Variants in TENM4 observed in about 807,000 individuals in gnomAD.
The protein encoded by TENM4 is teneurin-4.
Under a neutral mutation model 243.3 loss-of-function variants are expected in TENM4, and 82 were observed. The ratio of observed to expected loss-of-function variants is 0.34; its 90% CI spans 0.28 to 0.40. The LOEUF is 0.40. Among genes scored for constraint, TENM4 ranks in the 10% least tolerant of loss-of-function variants. The pLI, the probability that TENM4 is intolerant of heterozygous loss-of-function variation, is 1.00. For synonymous variants in TENM4, 1,412 were observed against 1,456.3 expected (o/e 0.97, Z 0.69); for missense variants, 3,138 against 3,673.3 (o/e 0.85, Z 3.77).
intron 4 of TENM4, among the ~76,000 whole-genome samples, chr11:79,122,724 G>T (rs1861768141): frequency 6.6e-6 from 1 of 152,106 alleles, no homozygotes; most frequent in Non-Finnish European, 1.5e-5. Flanking sequence ...GATCCAACTG[G>T]TACCCCTTGT....
chr11:78,844,672 A>C (rs913683456), intron 12 of TENM4, among the ~76,000 whole-genome samples: 1 of 151,644 alleles, frequency 6.6e-6, no homozygotes, highest in African/African-American at 2.4e-5. Context: ...GACACCAGAG[A>C]TCTCTTTCCC....
At chr11:79,326,460 C>A (rs759771662) in intron 1 of TENM4, among the ~76,000 whole-genome samples, 1 of 152,148 alleles carries the variant, frequency 6.6e-6, no homozygotes, top group Non-Finnish European at 1.5e-5. Flanking sequence ...GCATGGACTC[C>A]CCATTCCAAA....
chr11:78,914,968 TG>T (rs1317052884), intron 6 of TENM4, among the ~76,000 whole-genome samples: 5 of 152,144 alleles, frequency 3.3e-5, no homozygotes, highest in Non-Finnish European at 7.4e-5. Flanking sequence ...AAAAGGAAAC[TG>T]GGTTATGTTG....
chr11:79,131,603 A>G (rs751119563), intron 4 of TENM4, among the ~76,000 whole-genome samples: 20 of 152,356 alleles, frequency 1.3e-4, no homozygotes, highest in East Asian at 3.9e-4. Context: ...CACAGAACCT[A>G]TAAAACAAAA....
intron 6 of TENM4, among the ~76,000 whole-genome samples, chr11:79,049,993 T>C (rs1859756513): frequency 6.6e-6 from 1 of 152,194 alleles, no homozygotes; most frequent in African/African-American, 2.4e-5. Flanking sequence ...CCCCACTCCA[T>C]GTTGTGTCCT....
chr11:78,698,222 T>G (rs1225014084), intron 28 of TENM4, among the ~76,000 whole-genome samples: 2 of 152,044 alleles, frequency 1.3e-5, no homozygotes, highest in Non-Finnish European at 2.9e-5. Context: ...GCCAATATAG[T>G]GAAACCCCAT....
intron 6 of TENM4, among the ~76,000 whole-genome samples, chr11:79,029,112 C>G (rs1019037920): frequency 1.3e-5 from 2 of 152,170 alleles, no homozygotes; most frequent in Non-Finnish European, 2.9e-5. Flanking sequence ...TACAGGCCAT[C>G]GTTACCTCTC....
At chr11:79,439,103 T>A (rs369459913) in intron 1 of TENM4, 13 of 151,254 alleles carry the variant, frequency 8.6e-5, no homozygotes, top group East Asian at 3.9e-4. Context: ...GCCTCAGAGC[T>A]CAGTACATGG....
Position 78,889,873 on chromosome 11 carries a change from C to A in TENM4, c.996G>T (p.Lys332Asn). The change falls in exon 9 of 34, where the codon AAG becomes AAT. Residue 332 changes from lysine to asparagine, a missense_variant. Transcript: ENST00000278550. ...ACTTCCAGTTACAGTACTTGGAGGG[C>A]TTCTTGAGGTTAAAGGCCGGCCGGG... ...TFARPAFNLKKPSKYCNWKCA... is the reference protein window; with the variant it reads ...TFARPAFNLKNPSKYCNWKCA... 1.3e-6 allele frequency: 2 copies of A among 1,551,790 alleles called. No homozygotes were observed. Among genetic ancestry groups the A allele is most frequent in the Non-Finnish European group, 1.7e-6 (2 of 1,147,014 alleles).
chr11:79,431,179 C>T (rs982294476), intron 1 of TENM4, among the ~76,000 whole-genome samples: 13 of 152,186 alleles, frequency 8.5e-5, no homozygotes, highest in African/African-American at 2.9e-4. Flanking sequence ...TCTAGTCCTG[C>T]TTCAACAAAT....
chr11:78,836,915 C>T (rs540683631), intron 12 of TENM4, among the ~76,000 whole-genome samples: 1 of 152,200 alleles, frequency 6.6e-6, no homozygotes, highest in Non-Finnish European at 1.5e-5. Flanking sequence ...AAAACATACA[C>T]GTGCCCATGT....
At chr11:79,317,713 T>C (rs1160167936) in intron 1 of TENM4, among the ~76,000 whole-genome samples, 3 of 152,206 alleles carry the variant, frequency 2.0e-5, no homozygotes, top group Non-Finnish European at 4.4e-5. Flanking sequence ...CCAACCAAGT[T>C]GACCAAGAGT....
intron 12 of TENM4, among the ~76,000 whole-genome samples, chr11:78,828,325 T>C (rs1857903276): frequency 6.6e-6 from 1 of 152,210 alleles, no homozygotes; most frequent in African/African-American, 2.4e-5. Flanking sequence ...GCACTAACCA[T>C]GTATTTGGGG....
chr11:79,179,800 T>C lies in TENM4; in HGVS notation c.-162-30994A>G, dbSNP rs1390471203. ...TAGTTTAGAATAACATTAGTTAACATTTACTGAATATCTAGCCTGTTTTAA... is the reference window on the plus strand; with the variant it reads ...TAGTTTAGAATAACATTAGTTAACACTTACTGAATATCTAGCCTGTTTTAA... On this transcript the variant is annotated intron_variant, in intron 3 of 33. Coordinates refer to ENST00000278550, the MANE Select transcript of TENM4 (RefSeq NM_001098816.3). Among the ~76,000 whole-genome samples, 3 of 151,822 alleles carry C rather than the reference T, an allele frequency of 2.0e-5. No homozygotes were observed. In the East Asian group the frequency reaches 5.8e-4, roughly 29 times the overall value.
intron 6 of TENM4, among the ~76,000 whole-genome samples, chr11:79,024,536 C>A (rs1167644150): frequency 6.6e-6 from 1 of 152,134 alleles, no homozygotes; most frequent in East Asian, 1.9e-4. Context: ...TTGGTTTACA[C>A]CATAAAATCA....
chr11:78,685,543 GC>G (rs1858644841), intron 29 of TENM4, among the ~76,000 whole-genome samples: 1 of 152,164 alleles, frequency 6.6e-6, no homozygotes, highest in Non-Finnish European at 1.5e-5. Flanking sequence ...TGCCTTTTGA[GC>G]AGTATGACTT....
intron 6 of TENM4, among the ~76,000 whole-genome samples, chr11:78,979,201 T>C (rs1206961746): frequency 1.3e-5 from 2 of 152,156 alleles, no homozygotes; most frequent in South Asian, 4.1e-4. Flanking sequence ...AGCATCCCTC[T>C]GGGGTGTCCT....
intron 9 of TENM4, among the ~76,000 whole-genome samples, chr11:78,864,172 A>G (rs1292126263): frequency 6.6e-6 from 1 of 152,210 alleles, no homozygotes; most frequent in Admixed American, 6.5e-5. Flanking sequence ...TAGAGATACT[A>G]TGGATCGGGG....
chr11:79,047,657 G>C (rs1859691431), intron 6 of TENM4, among the ~76,000 whole-genome samples: 2 of 152,150 alleles, frequency 1.3e-5, no homozygotes, highest in Admixed American at 6.5e-5. Flanking sequence ...TTCTCCTTCA[G>C]TGCCCATGTG....
Sources: allele counts gnomAD v4.1 joint callset (sites outside exome capture counted in the v4.1 genomes callset), GRCh38; gene constraint gnomAD v4.1.1; transcripts MANE v1.5; gene names NCBI Gene and HGNC (gene_info 2026-07-23, HGNC 2026-07-21).